RANBP2: variants seen among roughly 807,000 people sequenced by gnomAD.
The protein encoded by RANBP2 is RAN binding protein 2.
Under a neutral mutation model 303.6 loss-of-function variants are expected in RANBP2, and 57 were observed. That is an observed-to-expected ratio of 0.19 (90% CI 0.15 to 0.23). The LOEUF (loss-of-function observed/expected upper bound fraction) is 0.23, where lower values mean the gene tolerates loss of function less well. Among genes scored for constraint, RANBP2 ranks in the 10% least tolerant of loss-of-function variants. The pLI, the probability that RANBP2 is intolerant of heterozygous loss-of-function variation, is 1.00. For synonymous variants in RANBP2, 1,167 were observed against 1,301.5 expected, an observed-to-expected ratio of 0.90 and a Z score of 2.23; for missense variants, 3,138 against 3,780.8, an observed-to-expected ratio of 0.83 and a Z score of 4.46.
chr2:108,861,547 C>A, the RANBP2 span, among the ~76,000 whole-genome samples: 1 of 140,166 alleles, frequency 7.1e-6, no homozygotes, highest in African/African-American at 2.9e-5. Context: ...GTGGCATGAT[C>A]TTGGCTCACT....
At chr2:108,853,950 A>G in the RANBP2 span, among the ~76,000 whole-genome samples, 17 of 120,122 alleles carry the variant, frequency 1.4e-4, no homozygotes, top group African/African-American at 5.6e-4. Flanking sequence ...ATAATATACA[A>G]TAAATATATA....
chr2:109,190,934 A>G, the RANBP2 span, among the ~76,000 whole-genome samples: 4 of 151,698 alleles, frequency 2.6e-5, no homozygotes, highest in South Asian at 6.3e-4. Flanking sequence ...CTAGATGCCA[A>G]TATTTTTATG....
downstream of RANBP2, chr2:108,786,649 G>A (rs2149344970): frequency 8.0e-6 from 5 of 627,626 alleles, no homozygotes; most frequent in East Asian, 1.5e-4. Flanking sequence ...AAACTTGGAG[G>A]ACGCGCTGAC....
the RANBP2 span, among the ~76,000 whole-genome samples, chr2:109,190,024 A>G: frequency 1.3e-5 from 2 of 152,368 alleles, no homozygotes; most frequent in South Asian, 2.1e-4. Flanking sequence ...TACAGAACTA[A>G]AAAGGAGAGG....
chr2:109,708,359 C>G, the RANBP2 span, among the ~76,000 whole-genome samples: 1 of 151,916 alleles, frequency 6.6e-6, no homozygotes, highest in South Asian at 2.1e-4. Context: ...GATCCTGTCT[C>G]TAAAAAAACA....
At chr2:109,487,058 G>T in the RANBP2 span, among the ~76,000 whole-genome samples, 56 of 152,286 alleles carry the variant, frequency 3.7e-4, no homozygotes, top group African/African-American at 1.3e-3. Flanking sequence ...GTGCTAGGGG[G>T]AACGTTTGCA....
chr2:109,005,765 TG>T, the RANBP2 span, among the ~76,000 whole-genome samples: 1 of 152,230 alleles, frequency 6.6e-6, no homozygotes, highest in Non-Finnish European at 1.5e-5. Context: ...CACAAAACTT[TG>T]CTTACCCTTC....
chr2:109,389,573 G>A, the RANBP2 span, among the ~76,000 whole-genome samples: 2 of 152,162 alleles, frequency 1.3e-5, no homozygotes, highest in Non-Finnish European at 2.9e-5. Context: ...ACTGCTCTAA[G>A]CCAGAGATCT....
chr2:109,390,917 T>C, the RANBP2 span, among the ~76,000 whole-genome samples: 2 of 152,316 alleles, frequency 1.3e-5, no homozygotes, highest in East Asian at 1.9e-4. Flanking sequence ...TGCTGTGGGC[T>C]GTGTGACAGC....
chr2:109,564,229 T>C, the RANBP2 span: 1 of 732,866 alleles, frequency 1.4e-6, no homozygotes, highest in Non-Finnish European at 2.0e-6. Context: ...AGCACAATAA[T>C]TAGTCATTAC....
the RANBP2 span, among the ~76,000 whole-genome samples, chr2:109,216,589 G>A: frequency 0.011 from 1,712 of 152,286 alleles, 22 homozygotes; most frequent in Non-Finnish European, 0.017. Flanking sequence ...GGGGCAGAGC[G>A]TTTCCTGAAG....
the RANBP2 span, among the ~76,000 whole-genome samples, chr2:109,243,942 T>C: frequency 1.5e-4 from 23 of 152,206 alleles, no homozygotes; most frequent in Non-Finnish European, 3.2e-4. Flanking sequence ...GCCACCGACA[T>C]GCAGCCATGG....
the RANBP2 span, among the ~76,000 whole-genome samples, chr2:108,963,557 T>C: frequency 1.3e-5 from 2 of 152,190 alleles, no homozygotes; most frequent in Non-Finnish European, 2.9e-5. Context: ...TGATGGCACC[T>C]GCACAGTAGT....
chr2:109,635,950 ACG>A, the RANBP2 span, among the ~76,000 whole-genome samples: 1 of 152,226 alleles, frequency 6.6e-6, no homozygotes, highest in African/African-American at 2.4e-5. Context: ...CCCCAATGTG[ACG>A]GTGTTAGGAG....
the RANBP2 span, among the ~76,000 whole-genome samples, chr2:109,452,603 A>G: frequency 1.3e-5 from 2 of 152,106 alleles, no homozygotes; most frequent in African/African-American, 4.8e-5. Context: ...TTCTCCTAGG[A>G]GCGTGGGAGA....
the RANBP2 span, among the ~76,000 whole-genome samples, chr2:109,080,426 TAA>T: frequency 6.6e-6 from 1 of 152,088 alleles, no homozygotes; most frequent in Non-Finnish European, 1.5e-5. Context: ...AGGGATGGAA[TAA>T]GTTGATGCCT....
the RANBP2 span, among the ~76,000 whole-genome samples, chr2:109,052,515 C>A: frequency 6.6e-6 from 1 of 152,154 alleles, no homozygotes; most frequent in South Asian, 2.1e-4. Context: ...AGCAAACAAA[C>A]CAATTCTTAA....
intron 4 of RANBP2, among the ~76,000 whole-genome samples, chr2:108,734,896 G>A (rs969701187): frequency 3.3e-5 from 5 of 151,980 alleles, no homozygotes; most frequent in African/African-American, 9.7e-5. Flanking sequence ...TCTACAGAAC[G>A]TTAAAAAAAA....
chr2:109,052,381 A>G, the RANBP2 span, among the ~76,000 whole-genome samples: 1 of 152,240 alleles, frequency 6.6e-6, no homozygotes, highest in Non-Finnish European at 1.5e-5. Flanking sequence ...ATATATTAAT[A>G]GCATAGGTAG....
Sources: gnomAD v4.1 joint callset for allele counts (sites outside exome capture counted in the v4.1 genomes callset) on GRCh38, gnomAD v4.1.1 for gene constraint, MANE v1.5 for transcripts, NCBI Gene and HGNC (gene_info 2026-07-23, HGNC 2026-07-21) for gene names.